The following DMD variants were observed in gnomAD, a reference collection of about 807,000 sequenced individuals.
The protein encoded by DMD is mutant dystrophin.
In DMD, 63 loss-of-function variants were observed where a neutral mutation model predicts 330.1. The observed-to-expected ratio is 0.19, with a 90% CI of 0.16 to 0.24. DMD has a LOEUF of 0.24. Among genes scored for constraint, DMD ranks in the 10% least tolerant of loss-of-function variants. The pLI is 1.00. For missense variants in DMD, 3,344 were observed against 2,684.1 expected (o/e 1.25, Z -5.43); for synonymous variants, 1,223 against 959.8 (o/e 1.27, Z -5.07).
chrX:33,058,669 G>C (rs988400755), intron 1 of DMD, among the ~76,000 whole-genome samples: 2 of 110,462 alleles, frequency 1.8e-5, no homozygotes, highest in African/African-American at 6.6e-5. Flanking sequence ...CATAAATTTA[G>C]ATTTAGTAGA....
chrX:32,055,189 C>T (rs2096159864), intron 44 of DMD, among the ~76,000 whole-genome samples: 2 of 111,196 alleles, frequency 1.8e-5, no homozygotes. Flanking sequence ...GACTCAATCT[C>T]CTCATTCATA....
At chrX:32,476,444 A>C (rs913642133) in intron 21 of DMD, among the ~76,000 whole-genome samples, 2 of 111,784 alleles carry the variant, frequency 1.8e-5, no homozygotes, top group Admixed American at 1.9e-4. Flanking sequence ...TAAGAAATAA[A>C]CTTCCAAAGA....
chrX:33,046,813 A>G (rs964624669), intron 1 of DMD, among the ~76,000 whole-genome samples: 1 of 112,493 alleles, frequency 8.9e-6, no homozygotes, highest in African/African-American at 3.2e-5. Flanking sequence ...CAGCAAAGTA[A>G]GCAAAATTGA....
chrX:32,906,645 C>G (rs1212317036), intron 2 of DMD, among the ~76,000 whole-genome samples: 1 of 111,604 alleles, frequency 9.0e-6, no homozygotes, highest in Non-Finnish European at 1.9e-5. Context: ...GGAATTTACT[C>G]TTGGTAGAAT....
chrX:32,586,533 G>C (rs1476792709), intron 13 of DMD, among the ~76,000 whole-genome samples: 3 of 109,047 alleles, frequency 2.8e-5, no homozygotes, highest in African/African-American at 1.0e-4. Context: ...TATATGAATA[G>C]ATATTGCATT....
rs1405599353 is a variant in DMD, at chrX:32,287,619, G to A, written c.6200C>T (p.Thr2067Met). The change falls in exon 43 of 79, where the codon ACG becomes ATG. Residue 2067 changes from threonine (T) to methionine (M), a missense_variant. Transcript: ENST00000357033. ...SKKTAALQSA[T>M]PVERVKLQEA... ...CTGTAGCTTCACCCTTTCCACAGGC[G>A]TTGCACTTTGCAATGCTGCTGTCTT... 9.1e-6 allele frequency: 11 copies of A among 1,209,063 alleles called. No homozygotes were observed. Among genetic ancestry groups the A allele is most frequent in the East Asian group, 3.0e-5 (1 of 33,797 alleles).
intron 2 of DMD, among the ~76,000 whole-genome samples, chrX:33,009,428 GTA>G (rs1180527530): frequency 3.1e-4 from 9 of 28,723 alleles, no homozygotes; most frequent in East Asian, 2.9e-3. Flanking sequence ...GTGTGTATAT[GTA>G]TGTGTATACA....
intron 11 of DMD, among the ~76,000 whole-genome samples, chrX:32,634,303 G>C (rs2058941474): frequency 9.0e-6 from 1 of 111,665 alleles, no homozygotes; most frequent in African/African-American, 3.3e-5. Flanking sequence ...AGGGACCCTA[G>C]GAGCCCACTT....
At chrX:31,314,742 C>CAGAGACAGAGAG (rs769013334) in intron 62 of DMD, among the ~76,000 whole-genome samples, 2 of 55,277 alleles carry the variant, frequency 3.6e-5, no homozygotes, top group African/African-American at 1.7e-4. Context: ...AATACATACA[C>CAGAGACAGAGAG]AGAGAGAGAG....
intron 54 of DMD, among the ~76,000 whole-genome samples, chrX:31,650,668 A>G (rs2080401077): frequency 8.9e-6 from 1 of 112,164 alleles, no homozygotes; most frequent in Non-Finnish European, 1.9e-5. Flanking sequence ...CTAAATAAAC[A>G]AACAAATGAA....
chrX:31,383,654 A>C (rs1004658501), intron 60 of DMD, among the ~76,000 whole-genome samples: 1 of 111,845 alleles, frequency 8.9e-6, no homozygotes, highest in Non-Finnish European at 1.9e-5. Context: ...CCTGCCCTCC[A>C]TCCTGTGCCT....
chrX:32,027,452 A>G (rs1338774762), intron 44 of DMD, among the ~76,000 whole-genome samples: 1 of 111,434 alleles, frequency 9.0e-6, no homozygotes, highest in African/African-American at 3.3e-5. Flanking sequence ...TTTTCCCTGC[A>G]TCAAACCTGG....
chrX:31,879,292 C>A (rs1157013190), intron 47 of DMD, among the ~76,000 whole-genome samples: 1 of 109,184 alleles, frequency 9.2e-6, no homozygotes, highest in Non-Finnish European at 1.9e-5. Context: ...AGAGCTTGCT[C>A]AGGGGAACTC....
intron 60 of DMD, among the ~76,000 whole-genome samples, chrX:31,398,830 G>A (rs2061059711): frequency 9.0e-6 from 1 of 111,545 alleles, no homozygotes; most frequent in South Asian, 3.8e-4. Context: ...AGCTGAAGGA[G>A]GATATTTCCC....
At chrX:33,326,935 T>C (rs909671194) in intron 1 of DMD, among the ~76,000 whole-genome samples, 4 of 111,478 alleles carry the variant, frequency 3.6e-5, no homozygotes, top group Non-Finnish European at 5.7e-5. Flanking sequence ...TGGCTCTCTA[T>C]AAAGAGGAAA....
chrX:32,725,720 G>A (rs1344397227), intron 7 of DMD, among the ~76,000 whole-genome samples: 4 of 110,934 alleles, frequency 3.6e-5, no homozygotes, highest in Non-Finnish European at 3.8e-5. Context: ...GTAAGCTGGG[G>A]TTGGTTAATG....
chrX:31,697,710 T>C (rs941309055), intron 52 of DMD, among the ~76,000 whole-genome samples: 2 of 112,386 alleles, frequency 1.8e-5, no homozygotes, highest in African/African-American at 6.5e-5. Flanking sequence ...ATGTTATTTA[T>C]ACACAAGAAA....
chrX:32,833,826 C>A (rs1278976984), intron 4 of DMD, among the ~76,000 whole-genome samples: 1 of 109,179 alleles, frequency 9.2e-6, no homozygotes, highest in African/African-American at 3.3e-5. Flanking sequence ...CATATGTGAA[C>A]ATAATAGGTA....
rs55718177 is a variant in DMD, at chrX:31,723,623, A to AACACACACACACACACAC, written c.7660+5990_7660+6007dup. Among the ~76,000 whole-genome samples the AACACACACACACACACAC allele has an allele frequency of 4.2e-3, 327 of 77,653 alleles. 5 individuals carry two copies. The highest frequency in any genetic ancestry group is 0.013 in the African/African-American group (257 of 19,773). 67.4% of individuals were successfully genotyped at this position (77,653 alleles called of 115,157 possible). A position where few individuals can be genotyped will look rare whatever the true frequency, so the allele number is the denominator to read the frequency against. On this transcript the variant is annotated intron_variant, in intron 52 of 78. Coordinates refer to ENST00000357033, the MANE Select transcript of DMD (RefSeq NM_004006.3). Reference sequence around the variant, plus strand: ...CTTCATTTACTCCCTTATCCTCCACAACACACACACACACACACACACACA... The same window carrying AACACACACACACACACAC: ...CTTCATTTACTCCCTTATCCTCCACAACACACACACACACACACACACACACACACACACACACACACA...
Sources: gnomAD v4.1 joint callset for allele counts (sites outside exome capture counted in the v4.1 genomes callset) on GRCh38, gnomAD v4.1.1 for gene constraint, MANE v1.5 for transcripts, NCBI Gene and HGNC (gene_info 2026-07-23, HGNC 2026-07-21) for gene names.